TMC1: variants seen among roughly 807,000 people sequenced by gnomAD.
TMC1 encodes transmembrane channel like 1.
TMC1 carries 84 observed loss-of-function variants against 105.8 expected under a neutral mutation model. The ratio of observed to expected loss-of-function variants is 0.79; its 90% CI spans 0.67 to 0.95. The LOEUF is 0.95. Among genes scored for constraint, TMC1 ranks in the 40% least tolerant of loss-of-function variants. TMC1 has a pLI of 0.00. For missense variants in TMC1, 817 were observed against 914.1 expected, an observed-to-expected ratio of 0.89 and a Z score of 1.37; for synonymous variants, 315 against 311.5, an observed-to-expected ratio of 1.01 and a Z score of -0.12.
In TMC1 at chr9:72,637,733, G is replaced by A. The variant is rs1286954853; in HGVS notation, c.-53+9670G>A. Among the ~76,000 whole-genome samples the A allele has an allele frequency of 4.6e-5, 7 of 152,244 alleles. No homozygotes were observed. The Middle Eastern group carries it at 0.01, about 222-fold the overall frequency. On this transcript the variant is annotated intron_variant, in intron 4 of 23. Transcript: ENST00000297784. Reference sequence around the variant, plus strand: ...TTGACAGTTTGCCTGAAAGTAACTTGACAAATAATTTTACTAAAGAATCCT... The same window carrying A: ...TTGACAGTTTGCCTGAAAGTAACTTAACAAATAATTTTACTAAAGAATCCT...
rs1827484721 is a variant in TMC1 at position 72,746,073 on chromosome 9, A to G, written c.535+3548A>G. Among the ~76,000 whole-genome samples, 6 of 152,334 alleles carry G rather than the reference A, an allele frequency of 3.9e-5. No individual in the cohort carries two copies. The South Asian group carries it at 1.2e-3, about 32-fold the overall frequency. On this transcript the variant is annotated intron_variant, in intron 10 of 23. Coordinates refer to ENST00000297784, the MANE Select transcript of TMC1 (RefSeq NM_138691.3). ...GAGGGGACTATATAATTGCCTTCTC[A>G]AATTCTTTTTGAAATAAAGTTGGTT... is the stretch of plus-strand genomic sequence containing the variant.
chr9:72,556,822 GAAAC>G lies in TMC1; in HGVS notation c.-427-21056_-427-21053del, dbSNP rs138969596. On this transcript the variant is annotated intron_variant, in intron 1 of 23. Coordinates refer to ENST00000297784, the MANE Select transcript of TMC1 (RefSeq NM_138691.3). Reference sequence around the variant, plus strand: ...GGAGATAGAGCGAGACTCTGTCTTGGAAACAAACAAACAAACAAACAAACAAAAA... The same window carrying G: ...GGAGATAGAGCGAGACTCTGTCTTGGAAACAAACAAACAAACAAACAAAAA... Among the ~76,000 whole-genome samples, 756 of 151,408 alleles carry G rather than the reference GAAAC, an allele frequency of 5.0e-3. 4 individuals carry two copies. The highest frequency in any genetic ancestry group is 0.017 in the African/African-American group (707 of 41,298).
intron 2 of TMC1, among the ~76,000 whole-genome samples, chr9:72,601,294 C>T (rs1239010379): frequency 6.6e-6 from 1 of 151,874 alleles, no homozygotes; most frequent in Non-Finnish European, 1.5e-5. Context: ...TCACTTGAAA[C>T]AAGGAGTTTG....
intron 21 of TMC1, among the ~76,000 whole-genome samples, chr9:72,828,828 AC>A (rs1828998619): frequency 1.3e-5 from 2 of 152,212 alleles, no homozygotes; most frequent in Non-Finnish European, 2.9e-5. Context: ...GGTGGTATAG[AC>A]CCAGGGTCAG....
At chr9:72,557,022 G>T (rs1158209803) in intron 1 of TMC1, among the ~76,000 whole-genome samples, 5 of 152,148 alleles carry the variant, frequency 3.3e-5, no homozygotes, top group African/African-American at 9.7e-5. Context: ...GCCCCTGACA[G>T]CATTAAACAG....
At chr9:72,780,151 G>A (rs115521912) in intron 13 of TMC1, among the ~76,000 whole-genome samples, 3,411 of 152,132 alleles carry the variant, frequency 0.022, 111 homozygotes, top group African/African-American at 0.078. Flanking sequence ...ATTTCATATC[G>A]AGCCTAACTA....
intron 17 of TMC1, among the ~76,000 whole-genome samples, chr9:72,801,902 AAGTT>A (rs1404931242): frequency 1.3e-5 from 2 of 152,200 alleles, no homozygotes; most frequent in African/African-American, 4.8e-5. Flanking sequence ...TTTTATGTGA[AAGTT>A]AGGTCACTGC....
Position 72,685,100 on chromosome 9 carries a change from CTTTTTTTT to C in TMC1, c.17-3592_17-3585del, listed in dbSNP as rs71359515. Among the ~76,000 whole-genome samples the C allele has an allele frequency of 3.3e-5, 3 of 91,064 alleles. No individual in the cohort carries two copies. In the East Asian group the frequency reaches 9.2e-4, roughly 28 times the overall value. 59.7% of individuals were successfully genotyped at this position (91,064 alleles called of 152,430 possible). ...CAAACCTTACTGTTATAAAGTCATT[CTTTTTTTT>C]TTTTTTTTTTTTTTTTGAGACGGAG... On this transcript the variant is annotated intron_variant, in intron 5 of 23. Coordinates refer to ENST00000297784, the MANE Select transcript of TMC1 (RefSeq NM_138691.3).
intron 18 of TMC1, 115 bp from the exon 19 acceptor site, chr9:72,816,025 TCTG>T (rs2118283631): frequency 2.4e-6 from 2 of 847,886 alleles, no homozygotes; most frequent in East Asian, 5.0e-5. Context: ...TAGTGATTAT[TCTG>T]CTATTGTTGC....
intron 17 of TMC1, among the ~76,000 whole-genome samples, chr9:72,804,158 C>T (rs1424070042): frequency 1.3e-5 from 2 of 152,286 alleles, no homozygotes; most frequent in East Asian, 3.9e-4. Flanking sequence ...CATATGTTCT[C>T]ACTCATAAGT....
At chr9:72,709,071 C>T (rs759926926) in intron 8 of TMC1, among the ~76,000 whole-genome samples, 1 of 151,860 alleles carries the variant, frequency 6.6e-6, no homozygotes, top group Non-Finnish European at 1.5e-5. Flanking sequence ...AGAAAACCAC[C>T]CCCATGCAGA....
At chr9:72,553,031 C>T (rs896461405) in intron 1 of TMC1, among the ~76,000 whole-genome samples, 2 of 151,770 alleles carry the variant, frequency 1.3e-5, no homozygotes, top group African/African-American at 4.8e-5. Context: ...TGGAGTGCAA[C>T]GGCATGATCT....
At chr9:72,542,769 G>A (rs955936308) in intron 1 of TMC1, among the ~76,000 whole-genome samples, 7 of 151,574 alleles carry the variant, frequency 4.6e-5, no homozygotes, top group South Asian at 2.1e-4. Context: ...AACCTCTGCC[G>A]CCCGGGTTCA....
Position 72,778,155 on chromosome 9 carries a change from G to T in TMC1, c.884+5600G>T, listed in dbSNP as rs1007633692. On this transcript the variant is annotated intron_variant, in intron 13 of 23. Transcript: ENST00000297784. ...TGTTATCCTCTGCAGTCAAATATTT[G>T]CTACAGCTTCTTCATCCTCAAGAAT... 3.8e-4 allele frequency among the ~76,000 whole-genome samples: 58 copies of T among 152,176 alleles called. 1 individual carries two copies. Among genetic ancestry groups the T allele is most frequent in the Admixed American group, 1.4e-3 (22 of 15,282 alleles).
intron 4 of TMC1, among the ~76,000 whole-genome samples, chr9:72,640,547 A>G (rs1189805246): frequency 6.6e-6 from 1 of 152,194 alleles, no homozygotes; most frequent in Non-Finnish European, 1.5e-5. Flanking sequence ...GGCAACATTT[A>G]GGAAATGAAA....
At chr9:72,523,428 AC>A (rs1206041444) in intron 1 of TMC1, among the ~76,000 whole-genome samples, 2 of 152,210 alleles carry the variant, frequency 1.3e-5, no homozygotes, top group Non-Finnish European at 2.9e-5. Flanking sequence ...TTTACCAATA[AC>A]ATAAACAGTT....
intron 1 of TMC1, among the ~76,000 whole-genome samples, chr9:72,541,044 T>C (rs1277041444): frequency 6.6e-6 from 1 of 152,216 alleles, no homozygotes; most frequent in African/African-American, 2.4e-5. Context: ...AATTGTTTTT[T>C]CCAGGTCAAA....
chr9:72,685,097 A>ATTTTTTTT (rs1771194393), intron 5 of TMC1, among the ~76,000 whole-genome samples: 4 of 125,752 alleles, frequency 3.2e-5, no homozygotes, highest in African/African-American at 1.0e-4. Context: ...TTATAAAGTC[A>ATTTTTTTT]TTCTTTTTTT....
chr9:72,813,278 C>T (rs538416199), intron 18 of TMC1, among the ~76,000 whole-genome samples: 64 of 151,524 alleles, frequency 4.2e-4, no homozygotes, highest in African/African-American at 1.5e-3. Context: ...TATAATATAA[C>T]CTAATGTTTA....
Sources: allele counts gnomAD v4.1 joint callset (sites outside exome capture counted in the v4.1 genomes callset), GRCh38; gene constraint gnomAD v4.1.1; transcripts MANE v1.5; gene names NCBI Gene and HGNC (gene_info 2026-07-23, HGNC 2026-07-21).